Variants in CDCA2 observed in about 807,000 individuals in gnomAD.
CDCA2 encodes cell division cycle-associated protein 2.
A neutral mutation model predicts 67.0 loss-of-function variants in CDCA2; 44 were observed. That is an observed-to-expected ratio of 0.66 (90% CI 0.52 to 0.84). The LOEUF is 0.84. Ranked by LOEUF, CDCA2 falls within the 40% of genes least tolerant of loss-of-function variation. The pLI is 0.00. For synonymous variants in CDCA2, 447 were observed against 418.7 expected (o/e 1.07, Z -0.82); for missense variants, 1,253 against 1,203.2 (o/e 1.04, Z -0.61).
Position 25,468,145 on chromosome 8 carries a change from GA to G in CDCA2, c.539-64del, listed in dbSNP as rs369932212. ...AAAAAAAAAAAAAAAAAAAAGAAAA[GA>G]AAAAAAATATATATAATATATATGA... On this transcript the variant is annotated intron_variant, in intron 5 of 14. Transcript: ENST00000330560. The G allele has an allele frequency of 3.2e-3, 1,092 of 344,520 alleles. 12 individuals are homozygous for G. The highest frequency in any genetic ancestry group is 0.031 in the South Asian group (242 of 7,798). The allele number at this position is 344,520 out of a possible 1,614,324, so 21.3% of individuals were successfully genotyped here. A position where few individuals can be genotyped will look rare whatever the true frequency, so the allele number is the denominator to read the frequency against.
In CDCA2 at chr8:25,507,728, G is replaced by C; in HGVS notation, c.3062G>C (p.Arg1021Thr). Residue 1021 changes from arginine (R) to threonine (T), a missense_variant, in exon 15 of 15, where the codon AGA becomes ACA. Coordinates refer to ENST00000330560, the MANE Select transcript of CDCA2 (RefSeq NM_152562.4). The stretch of plus-strand genomic sequence containing the variant: ...GAAAGGATTGAACATAATGGAGAAA[G>C]AAAGCAGTAATTGACATTTCCTGCA... ...ALERIEHNGE[R>T]KQ 6.2e-7 allele frequency: 1 copy of C among 1,609,390 alleles called. No individual in the cohort carries two copies. Among genetic ancestry groups the C allele is most frequent in the East Asian group, 2.2e-5 (1 of 44,864 alleles).
At position 25,507,573 on chromosome 8, in the gene CDCA2, T is replaced by C. The variant is rs1170134832; in HGVS notation, c.2907T>C (p.Asp969=). Residue 969 remains aspartate (D), a synonymous_variant, in exon 15 of 15, where the codon GAT becomes GAC. Coordinates refer to ENST00000330560, the MANE Select transcript of CDCA2 (RefSeq NM_152562.4). ...NSQGPAAGSS[D]EPGKRRKSFC... is the part of the protein sequence containing the mutation. ...AGGGCCCTGCTGCTGGTTCTTCCGA[T>C]GAACCTGGTAAGAGGAGGAAGAGCT... The C allele has an allele frequency of 6.2e-7, 1 of 1,614,206 alleles. No individual in the cohort carries two copies. The highest frequency in any genetic ancestry group is 2.2e-5 in the East Asian group (1 of 44,890).
chr8:25,507,617 C>A lies in CDCA2; in HGVS notation c.2951C>A (p.Ala984Glu). ...AAGAGCTTTTGTATATCTACACTTGCAAATACTAAAGCCACTTCCCAGTTC... is the reference window on the plus strand; with the variant it reads ...AAGAGCTTTTGTATATCTACACTTGAAAATACTAAAGCCACTTCCCAGTTC... ...RRKSFCISTL[A>E]NTKATSQFKG... The change falls in exon 15 of 15, where the codon GCA becomes GAA. Residue 984 changes from alanine (A) to glutamate (E), a missense_variant. Transcript: ENST00000330560. The A allele has an allele frequency of 6.2e-7, 1 of 1,614,166 alleles. No homozygotes were observed.
intron 2 of CDCA2, 41 bp from the exon 3 acceptor site, chr8:25,460,343 A>G: frequency 6.2e-7 from 1 of 1,614,034 alleles, no homozygotes; most frequent in Non-Finnish European, 8.5e-7. Flanking sequence ...AGGTTTAGAC[A>G]GAGAGTTGTC....
At chr8:25,465,940 G>A (rs1289641086) in intron 4 of CDCA2, among the ~76,000 whole-genome samples, 1 of 152,002 alleles carries the variant, frequency 6.6e-6, no homozygotes, top group African/African-American at 2.4e-5. Context: ...TGTTTTTTTG[G>A]CACCTTCCAT....
At chr8:25,472,083 CCCTCTGCTT>C (rs1803176435) in intron 7 of CDCA2, 1 of 152,154 alleles carries the variant, frequency 6.6e-6, no homozygotes, top group African/African-American at 2.4e-5. Flanking sequence ...CTCCTTTACC[CCCTCTGCTT>C]CCTCTGTTTT....
Position 25,469,922 on chromosome 8 carries a change from G to C in CDCA2, c.762G>C (p.Gln254His). The change falls in exon 7 of 15, where the codon CAG becomes CAC. Residue 254 changes from glutamine (Q) to histidine (H), a missense_variant. By Grantham distance (24) the Gln-to-His change is conservative (BLOSUM62 0). Transcript: ENST00000330560. ...SEISSKLGST[Q>H]SGFLVEESLP... Reference sequence around the variant, plus strand: ...TATCATCTAAACTTGGTTCAACACAGTCTGGATTTTTAGTTGAAGAGTCTC... The same window carrying C: ...TATCATCTAAACTTGGTTCAACACACTCTGGATTTTTAGTTGAAGAGTCTC... 6.2e-7 allele frequency: 1 copy of C among 1,611,302 alleles called. No homozygotes were observed. Among genetic ancestry groups the C allele is most frequent in the African/African-American group, 1.3e-5 (1 of 74,992 alleles).
intron 13 of CDCA2, among the ~76,000 whole-genome samples, chr8:25,494,346 A>G (rs532175299): frequency 4.8e-4 from 73 of 152,310 alleles, no homozygotes; most frequent in African/African-American, 1.6e-3. Flanking sequence ...CCCAATAACA[A>G]TACAACAATT....
intron 4 of CDCA2, among the ~76,000 whole-genome samples, chr8:25,465,480 C>T (rs896157552): frequency 5.3e-5 from 8 of 152,218 alleles, no homozygotes; most frequent in Admixed American, 3.9e-4. Flanking sequence ...CTTTAACTGG[C>T]ACTTCTATCC....
intron 13 of CDCA2, among the ~76,000 whole-genome samples, chr8:25,491,349 C>T (rs189431129): frequency 2.0e-5 from 3 of 152,242 alleles, no homozygotes; most frequent in Admixed American, 6.5e-5. Context: ...AAGTTAAAAG[C>T]GCCCACTGAA....
intron 4 of CDCA2, among the ~76,000 whole-genome samples, chr8:25,465,671 A>T (rs539484864): frequency 6.6e-6 from 1 of 152,154 alleles, no homozygotes; most frequent in Non-Finnish European, 1.5e-5. Context: ...GGAAGAGCCA[A>T]AAAGGAGAGC....
intron 7 of CDCA2, among the ~76,000 whole-genome samples, chr8:25,477,334 C>G (rs1049172240): frequency 6.6e-6 from 1 of 152,166 alleles, no homozygotes; most frequent in African/African-American, 2.4e-5. Context: ...ATTTTCTTTG[C>G]TCCTCTTCTT....
At chr8:25,463,350 A>G (rs780246494) in intron 4 of CDCA2, among the ~76,000 whole-genome samples, 1 of 152,226 alleles carries the variant, frequency 6.6e-6, no homozygotes, top group Non-Finnish European at 1.5e-5. Flanking sequence ...TGGTGGTCTC[A>G]TAATAATGGA....
rs1317761922 is a variant in CDCA2, at chr8:25,487,303, G to T, written c.1502G>T (p.Gly501Val). The change falls in exon 12 of 15, where the codon GGT becomes GTT. Residue 501 changes from glycine (G) to valine (V), a missense_variant. By Grantham distance (109) the Gly-to-Val change is moderately radical. Transcript: ENST00000330560. The stretch of plus-strand genomic sequence containing the variant: ...GAGAAAATATCCTCTCCTAAAGTTG[G>T]TAGAATAACAAGGACTTCTAACAGA... The part of the protein sequence containing the change: ...NHEKISSPKV[G>V]RITRTSNRRN... The T allele has an allele frequency of 1.9e-6, 3 of 1,608,170 alleles. No individual in the cohort carries two copies. Among genetic ancestry groups the T allele is most frequent in the South Asian group, 2.2e-5 (2 of 90,718 alleles).
At chr8:25,471,920 G>A (rs577648852) in intron 7 of CDCA2, among the ~76,000 whole-genome samples, 1 of 152,356 alleles carries the variant, frequency 6.6e-6, no homozygotes, top group South Asian at 2.1e-4. Flanking sequence ...GATGAAAGGA[G>A]TCTGGTGTTG....
chr8:25,470,095 C>G, intron 7 of CDCA2, 115 bp downstream of exon 7: 1 of 638,304 alleles, frequency 1.6e-6, no homozygotes, highest in Non-Finnish European at 2.8e-6. Flanking sequence ...TTTTTAGGAG[C>G]TCATGGCCTA....
In CDCA2 at chr8:25,484,109, T is replaced by G. The variant is rs760647765; in HGVS notation, c.1264T>G (p.Cys422Gly). The change falls in exon 10 of 15, where the codon TGT becomes GGT. Residue 422 changes from cysteine (C) to glycine (G), a missense_variant. Coordinates refer to ENST00000330560, the MANE Select transcript of CDCA2 (RefSeq NM_152562.4). ...TPLRKGGTPV[C>G]KKDFSGLSSL... ...ATTGCGTAAAGGAGGAACACCTGTT[T>G]GTAAAAAAGACTTCAGTGGTCTCAG... 5.0e-6 allele frequency: 8 copies of G among 1,614,080 alleles called. No individual in the cohort carries two copies. The African/African-American group carries it at 9.3e-5, about 19-fold the overall frequency.
At chr8:25,488,853 A>G (rs1384617029) in intron 13 of CDCA2, among the ~76,000 whole-genome samples, 164 bp downstream of exon 13, 1 of 151,962 alleles carries the variant, frequency 6.6e-6, no homozygotes, top group Non-Finnish European at 1.5e-5. Flanking sequence ...TATGTACTTA[A>G]CTCTGAATTG....
chr8:25,494,505 T>G (rs1195128054), intron 13 of CDCA2, among the ~76,000 whole-genome samples: 1 of 152,358 alleles, frequency 6.6e-6, no homozygotes. Flanking sequence ...ACATATGCTC[T>G]ATGCAAATAC....
Sources: allele counts gnomAD v4.1 joint callset (sites outside exome capture counted in the v4.1 genomes callset), GRCh38; gene constraint gnomAD v4.1.1; transcripts MANE v1.5; gene names NCBI Gene and HGNC (gene_info 2026-07-23, HGNC 2026-07-21).